Variants in NPC1 observed in about 807,000 individuals in gnomAD.
The protein encoded by NPC1 is Niemann-Pick C1 protein.
Under a neutral mutation model 140.4 loss-of-function variants are expected in NPC1, and 85 were observed. The ratio of observed to expected loss-of-function variants is 0.61; its 90% CI spans 0.51 to 0.72. The LOEUF (loss-of-function observed/expected upper bound fraction) is 0.72, where lower values mean the gene tolerates loss of function less well. Ranked by LOEUF, NPC1 falls within the 30% of genes least tolerant of loss-of-function variation. NPC1 has a pLI of 0.00. For missense variants in NPC1, 1,504 were observed against 1,623.8 expected, an observed-to-expected ratio of 0.93 and a Z score of 1.27; for synonymous variants, 656 against 624.8, an observed-to-expected ratio of 1.05 and a Z score of -0.74.
rs2058514257 is a variant in NPC1 at position 23,531,696 on chromosome 18, A to G, written c.*506T>C. The G allele has an allele frequency of 5.0e-6, 8 of 1,607,958 alleles. No homozygotes were observed. The highest frequency in any genetic ancestry group is 5.9e-6 in the Non-Finnish European group (7 of 1,178,712). Reference sequence around the variant, plus strand: ...AGACCAAGCTCTAATGAGGCCTACAACATTCTGAAATCACTTGCTGTTTTT... The same window carrying G: ...AGACCAAGCTCTAATGAGGCCTACAGCATTCTGAAATCACTTGCTGTTTTT... On this transcript the variant is annotated 3_prime_UTR_variant, in exon 25 of 25. Coordinates refer to ENST00000269228, the MANE Select transcript of NPC1 (RefSeq NM_000271.5).
At chr18:23,559,492 CTTTTTTTTTTTT>C (rs57612444) in intron 6 of NPC1, among the ~76,000 whole-genome samples, 2 of 81,454 alleles carry the variant, frequency 2.5e-5, no homozygotes, top group African/African-American at 1.1e-4. Context: ...TTGACTCTGA[CTTTTTTTTTTTT>C]TTTTTTTTTT....
intron 22 of NPC1, 142 bp downstream of exon 22, chr18:23,535,327 T>C: frequency 2.8e-6 from 2 of 722,012 alleles, no homozygotes; most frequent in Non-Finnish European, 5.0e-6. Context: ...CCAGCACTCA[T>C]CCTGCCTCTC....
intron 4 of NPC1, among the ~76,000 whole-genome samples, chr18:23,564,436 T>C (rs1213054414): frequency 1.3e-5 from 2 of 152,110 alleles, no homozygotes; most frequent in Non-Finnish European, 2.9e-5. Flanking sequence ...CAAGCAATCT[T>C]CCTGCCTCAG....
intron 4 of NPC1, among the ~76,000 whole-genome samples, chr18:23,563,987 G>GTTTTTT (rs71163619): frequency 0.053 from 5,446 of 102,022 alleles, 335 homozygotes; most frequent in African/African-American, 0.08. Flanking sequence ...AGTAGTAAGA[G>GTTTTTT]TTTTTTTTTT....
intron 4 of NPC1, among the ~76,000 whole-genome samples, chr18:23,563,987 GTTTTTTTTT>G (rs71163619): frequency 1.9e-5 from 2 of 102,600 alleles, no homozygotes; most frequent in East Asian, 7.0e-4. Context: ...AGTAGTAAGA[GTTTTTTTTT>G]TTTTTTTTTG....
downstream of NPC1, among the ~76,000 whole-genome samples, chr18:23,531,138 G>A (rs139003711): frequency 1.1e-3 from 166 of 152,090 alleles, no homozygotes; most frequent in East Asian, 0.03. Flanking sequence ...CTACAGGTGC[G>A]TGCCACCACA....
In NPC1 at chr18:23,556,474, C is replaced by T. The variant is rs150597260; in HGVS notation, c.1095G>A (p.Ser365=). 19 of 1,614,086 alleles carry T rather than the reference C, an allele frequency of 1.2e-5. No individual in the cohort carries two copies. The highest frequency in any genetic ancestry group is 1.6e-4 in the Middle Eastern group (1 of 6,062). ...TGACCCGGACAAACACCAGGCCTGA[C>T]GAACACGCAGTAATGAAGACCAGCG... ...FFSLVFITAC[S]SGLVFVRVTT... Residue 365 remains serine, a synonymous_variant, in exon 8 of 25, where the codon TCG becomes TCA. Coordinates refer to ENST00000269228, the MANE Select transcript of NPC1 (RefSeq NM_000271.5).
intron 11 of NPC1, 124 bp from the exon 12 acceptor site, chr18:23,545,273 C>T (rs2058773340): frequency 1.4e-6 from 1 of 721,196 alleles, no homozygotes; most frequent in Non-Finnish European, 2.4e-6. Flanking sequence ...GACTGATTCT[C>T]GCTCTGTCGC....
At chr18:23,539,495 G>C (rs750342034) in intron 18 of NPC1, 25 bp from the exon 19 acceptor site, 1 of 1,503,036 alleles carries the variant, frequency 6.7e-7, no homozygotes, top group Non-Finnish European at 9.3e-7. Context: ...CAGGGTTACT[G>C]ACCTGCTCCA....
chr18:23,527,765 G>C, downstream of NPC1: 1 of 1,578,802 alleles, frequency 6.3e-7, no homozygotes, highest in Non-Finnish European at 8.7e-7. Flanking sequence ...AAGTTGGTTT[G>C]ATCCGTGTGT....
intron 3 of NPC1, among the ~76,000 whole-genome samples, chr18:23,570,334 T>TTATGTCCG (rs778330562): frequency 6.6e-6 from 1 of 152,228 alleles, no homozygotes; most frequent in Non-Finnish European, 1.5e-5. Context: ...CTTTTTATGT[T>TTATGTCCG]TATGTCCGTA....
chr18:23,586,297 C>T lies in NPC1; in HGVS notation c.47G>A (p.Cys16Tyr), dbSNP rs1407142143. The change falls in exon 1 of 25, where the codon TGT becomes TAT. Residue 16 changes from cysteine to tyrosine, a missense_variant. Physicochemically the swap from Cys to Tyr is radical, Grantham distance 194 (BLOSUM62 -2). Coordinates refer to ENST00000269228, the MANE Select transcript of NPC1 (RefSeq NM_000271.5). The stretch of plus-strand genomic sequence containing the variant: ...CCGGCGACCGCTCACCTGCGCTGGA[C>T]ACAGTAGCAGCAGGAGGAGGCCAAG... ...LALGLLLLLL[C>Y]PAQVFSQSCV... The T allele has an allele frequency of 3.3e-6, 5 of 1,533,872 alleles. No individual in the cohort carries two copies. The Admixed American group carries it at 5.9e-5, about 18-fold the overall frequency.
intron 10 of NPC1, among the ~76,000 whole-genome samples, chr18:23,549,717 C>G (rs773485659): frequency 8.7e-5 from 13 of 149,434 alleles, no homozygotes; most frequent in Non-Finnish European, 1.8e-4. Context: ...ACTTTTCTTT[C>G]AGGTTGTTGA....
chr18:23,530,193 C>G, downstream of NPC1: 1 of 1,613,598 alleles, frequency 6.2e-7, no homozygotes, highest in Non-Finnish European at 8.5e-7. Flanking sequence ...TAACCGTTAT[C>G]TTTCCAACTG....
rs761452493 is a variant in NPC1 at position 23,572,094 on chromosome 18, C to T, written c.267G>A (p.Leu89=). 6.2e-7 allele frequency: 1 copy of T among 1,613,676 alleles called. No individual in the cohort carries two copies. Among genetic ancestry groups the T allele is most frequent in the Non-Finnish European group, 8.5e-7 (1 of 1,179,688 alleles). ...CCTACCTGGACAGAAACTGTAGAGG[C>T]AGCTGCAGGTTGTCTTTTAGTGTCT... ...QLQTLKDNLQ[L]PLQFLSRCPS... Residue 89 remains leucine (L), a synonymous_variant, in exon 3 of 25, where the codon CTG becomes CTA. Coordinates refer to ENST00000269228, the MANE Select transcript of NPC1 (RefSeq NM_000271.5).
In NPC1 at chr18:23,560,288, GTGATCCACA is replaced by G; in HGVS notation, c.815_823del (p.Met272_Ile274del). On this transcript the variant is annotated inframe_deletion, in exon 6 of 25. Coordinates refer to ENST00000269228, the MANE Select transcript of NPC1 (RefSeq NM_000271.5). ...AAACACAAGCAAAAACGCCATGTAG[GTGATCCACA>G]TGATGACATACATGGCGTCCAAGCC... 6.2e-7 allele frequency: 1 copy of G among 1,614,224 alleles called. No homozygotes were observed. Among genetic ancestry groups the G allele is most frequent in the South Asian group, 1.1e-5 (1 of 91,078 alleles).
At position 23,565,872 on chromosome 18, in the gene NPC1, C is replaced by T. The variant is rs564676871; in HGVS notation, c.463+2951G>A. On this transcript the variant is annotated intron_variant, in intron 4 of 24. Coordinates refer to ENST00000269228, the MANE Select transcript of NPC1 (RefSeq NM_000271.5). ...CCCTTTGATTATTATTGTCTCTCCC[C>T]AACTCTCTGGAGCTTCTCATGTTAT... Among the ~76,000 whole-genome samples, 4 of 151,872 alleles carry T rather than the reference C, an allele frequency of 2.6e-5. No homozygotes were observed. The South Asian group carries it at 8.3e-4, about 31-fold the overall frequency.
At chr18:23,511,141 C>T (rs866322444) in intron 3 of NPC1, among the ~76,000 whole-genome samples, 25 of 152,212 alleles carry the variant, frequency 1.6e-4, no homozygotes, top group African/African-American at 5.8e-4. Context: ...GAATACTATG[C>T]AGCCATAAAA....
chr18:23,556,194 A>C (rs1212696897), intron 8 of NPC1, 49 bp downstream of exon 8: 1 of 1,556,942 alleles, frequency 6.4e-7, no homozygotes, highest in South Asian at 1.1e-5. Flanking sequence ...AAAAGCCAGC[A>C]AACCACAAGG....
Sources: allele counts gnomAD v4.1 joint callset (sites outside exome capture counted in the v4.1 genomes callset), GRCh38; gene constraint gnomAD v4.1.1; transcripts MANE v1.5; gene names NCBI Gene and HGNC (gene_info 2026-07-23, HGNC 2026-07-21).